The following ANKRD44 variants were observed in gnomAD, a reference collection of about 807,000 sequenced individuals.
ANKRD44 encodes the protein serine/threonine-protein phosphatase 6 regulatory ankyrin repeat subunit B.
Under a neutral mutation model 116.0 loss-of-function variants are expected in ANKRD44, and 35 were observed. The ratio of observed to expected loss-of-function variants is 0.30; its 90% CI spans 0.23 to 0.40. ANKRD44 has a LOEUF of 0.40. ANKRD44 is among the 10% of genes least tolerant of loss of function. ANKRD44 has a pLI of 1.00. For missense variants in ANKRD44, 1,014 were observed against 1,242.6 expected (o/e 0.82, Z 2.77); for synonymous variants, 435 against 461.8 (o/e 0.94, Z 0.74).
chr2:197,286,368 ACTTTTTTTTTT>A, intron 1 of ANKRD44, among the ~76,000 whole-genome samples: 1 of 129,542 alleles, frequency 7.7e-6, no homozygotes, highest in African/African-American at 2.9e-5. Context: ...TACTTCTTCT[ACTTTTTTTTTT>A]CTTTTTTTTT....
At chr2:197,153,225 CAAAA>C (rs75600123) in intron 2 of ANKRD44, among the ~76,000 whole-genome samples, 2,196 of 69,222 alleles carry the variant, frequency 0.032, 15 homozygotes, top group Middle Eastern at 0.061. Flanking sequence ...AAGACCCTGC[CAAAA>C]AAAAAAAAAA....
chr2:196,979,481 G>A (rs1444230377), intron 21 of ANKRD44, among the ~76,000 whole-genome samples: 1 of 147,178 alleles, frequency 6.8e-6, no homozygotes, highest in Non-Finnish European at 1.5e-5. Context: ...CACATTGTAA[G>A]CACTCAGTGA....
intron 1 of ANKRD44, among the ~76,000 whole-genome samples, chr2:197,211,821 G>A (rs924018916): frequency 4.0e-5 from 6 of 151,722 alleles, no homozygotes; most frequent in Non-Finnish European, 7.4e-5. Context: ...GAGGAATAGT[G>A]GGGGGCAGCA....
intron 1 of ANKRD44, among the ~76,000 whole-genome samples, chr2:197,240,502 T>A (rs956945760): frequency 6.6e-6 from 1 of 151,360 alleles, no homozygotes; most frequent in Admixed American, 6.6e-5. Flanking sequence ...GGAAGCAAGA[T>A]GGAAATCCCT....
intron 1 of ANKRD44, among the ~76,000 whole-genome samples, chr2:197,309,477 G>A (rs1468062348): frequency 3.9e-5 from 6 of 152,270 alleles, no homozygotes; most frequent in Admixed American, 3.3e-4. Context: ...TTGTGGTGAC[G>A]GACTGCACTT....
rs182334023 is a variant in ANKRD44, at chr2:197,107,927, A to G, written c.985+2839T>C. On this transcript the variant is annotated intron_variant, in intron 9 of 27. Transcript: ENST00000282272. ...CCAAGGGCATTTTAAAAAATGTCAA[A>G]TGGAAGAATTCACAGTTCTCACATG... Among the ~76,000 whole-genome samples the G allele has an allele frequency of 8.7e-4, 132 of 152,388 alleles. 2 individuals carry two copies. The highest frequency in any genetic ancestry group is 6.7e-3 in the Admixed American group (102 of 15,308).
At chr2:197,020,373 G>C (rs773592436) in intron 17 of ANKRD44, among the ~76,000 whole-genome samples, 1 of 152,152 alleles carries the variant, frequency 6.6e-6, no homozygotes, top group African/African-American at 2.4e-5. Flanking sequence ...CCCTCTTAAA[G>C]ACAGAATGGT....
chr2:197,288,266 T>C (rs866392064), intron 1 of ANKRD44, among the ~76,000 whole-genome samples: 5 of 152,234 alleles, frequency 3.3e-5, no homozygotes, highest in Middle Eastern at 3.4e-3. Flanking sequence ...GAAAAGCACA[T>C]AGAAACTTCA....
chr2:196,994,295 C>A (rs1052914617), intron 26 of ANKRD44, among the ~76,000 whole-genome samples: 4 of 151,634 alleles, frequency 2.6e-5, no homozygotes, highest in African/African-American at 7.3e-5. Flanking sequence ...AAGTGATTCT[C>A]CTGCCTCAGT....
intron 27 of ANKRD44, chr2:196,990,019 T>C: frequency 9.5e-7 from 1 of 1,052,372 alleles, no homozygotes; most frequent in South Asian, 3.2e-5. Context: ...AGTCACAGGC[T>C]TGTTATAGGG....
chr2:197,011,081 T>C (rs2076290968), intron 18 of ANKRD44, among the ~76,000 whole-genome samples: 1 of 152,238 alleles, frequency 6.6e-6, no homozygotes, highest in African/African-American at 2.4e-5. Flanking sequence ...AATATGTCGT[T>C]GCTGCTGCTG....
intron 1 of ANKRD44, among the ~76,000 whole-genome samples, chr2:197,260,549 G>A (rs1399437899): frequency 6.6e-6 from 1 of 152,002 alleles, no homozygotes; most frequent in Non-Finnish European, 1.5e-5. Context: ...ACATACGTGT[G>A]CATGTGTCTT....
intron 16 of ANKRD44, chr2:197,028,965 T>A (rs576231506): frequency 1.3e-5 from 2 of 155,794 alleles, no homozygotes; most frequent in East Asian, 1.9e-4. Context: ...TTTCTTTTTT[T>A]TTTTAGGATA....
intron 1 of ANKRD44, among the ~76,000 whole-genome samples, chr2:197,217,080 G>C (rs1559158087): frequency 1.3e-5 from 2 of 152,144 alleles, no homozygotes; most frequent in Admixed American, 1.3e-4. Flanking sequence ...TCTCATCACT[G>C]TTTGCCAACT....
chr2:197,095,135 A>G (rs968708493), intron 10 of ANKRD44, among the ~76,000 whole-genome samples: 15 of 152,260 alleles, frequency 9.9e-5, no homozygotes, highest in African/African-American at 3.6e-4. Context: ...GTTCTCTGTG[A>G]GAATTTTTAA....
At chr2:197,169,430 A>G (rs368014190) in intron 2 of ANKRD44, among the ~76,000 whole-genome samples, 89 of 152,324 alleles carry the variant, frequency 5.8e-4, no homozygotes, top group Middle Eastern at 3.4e-3. Flanking sequence ...TGATGCAAGG[A>G]CCAGGCCTGT....
At chr2:197,120,814 A>G (rs113848503) in intron 8 of ANKRD44, among the ~76,000 whole-genome samples, 6 of 152,300 alleles carry the variant, frequency 3.9e-5, no homozygotes, top group African/African-American at 9.6e-5. Flanking sequence ...GGGCAAGTCA[A>G]TATCCTAGAG....
intron 4 of ANKRD44, among the ~76,000 whole-genome samples, chr2:197,128,599 C>G (rs956716979): frequency 6.6e-6 from 1 of 152,192 alleles, no homozygotes; most frequent in South Asian, 2.1e-4. Context: ...CCTGTTCACT[C>G]TGATGATAGT....
chr2:197,069,716 C>T (rs1158850695), intron 16 of ANKRD44, among the ~76,000 whole-genome samples: 2 of 152,010 alleles, frequency 1.3e-5, no homozygotes, highest in African/African-American at 4.8e-5. Flanking sequence ...TGTTCTTTTT[C>T]AGAATTGTGT....
Sources: gnomAD v4.1 joint callset for allele counts (sites outside exome capture counted in the v4.1 genomes callset) on GRCh38, gnomAD v4.1.1 for gene constraint, MANE v1.5 for transcripts, NCBI Gene and HGNC (gene_info 2026-07-23, HGNC 2026-07-21) for gene names.